The following THOC1 variants were observed in gnomAD, a reference collection of about 807,000 sequenced individuals.
The protein encoded by THOC1 is THO complex subunit 1.
THOC1 carries 29 observed loss-of-function variants against 97.3 expected under a neutral mutation model. The observed-to-expected ratio is 0.30, with a 90% CI of 0.22 to 0.41. The LOEUF is 0.41. Among genes scored for constraint, THOC1 ranks in the 10% least tolerant of loss-of-function variants. The pLI, the probability that THOC1 is intolerant of heterozygous loss-of-function variation, is 1.00. For synonymous variants in THOC1, 255 were observed against 257.0 expected (o/e 0.99, Z 0.07); for missense variants, 529 against 761.9 (o/e 0.69, Z 3.60).
rs764286658 is a variant in THOC1, at chr18:265,507, G to A, written c.78C>T (p.Asn26=). 6.9e-6 allele frequency: 11 copies of A among 1,592,768 alleles called. No homozygotes were observed. Among genetic ancestry groups the A allele is most frequent in the Non-Finnish European group, 8.6e-6 (10 of 1,169,568 alleles). Reference sequence around the variant, plus strand: ...TTAACAATGGCTTGATGTTTTTGTTGTTCAAGGCCTCTCTGGTAGACTTCT... The same window carrying A: ...TTAACAATGGCTTGATGTTTTTGTTATTCAAGGCCTCTCTGGTAGACTTCT... ...RFTKSTREAL[N]NKNIKPLLST... is the part of the protein sequence containing the mutation. The change falls in exon 2 of 21, where the codon AAC becomes AAT. Residue 26 remains asparagine, a synonymous_variant. Coordinates refer to ENST00000261600, the MANE Select transcript of THOC1 (RefSeq NM_005131.3).
intron 17 of THOC1, among the ~76,000 whole-genome samples, chr18:223,032 A>C (rs1311275168): frequency 1.3e-5 from 2 of 151,966 alleles, no homozygotes; most frequent in Non-Finnish European, 2.9e-5. Context: ...TGATTTCTTA[A>C]TCATTAATTA....
chr18:253,759 G>A (rs1048890626), intron 8 of THOC1, among the ~76,000 whole-genome samples: 9 of 152,034 alleles, frequency 5.9e-5, no homozygotes, highest in African/African-American at 2.2e-4. Context: ...ATCTACCATG[G>A]TCTACCTTGG....
intron 11 of THOC1, among the ~76,000 whole-genome samples, chr18:233,570 G>A (rs988627152): frequency 2.0e-5 from 3 of 152,216 alleles, no homozygotes; most frequent in Non-Finnish European, 4.4e-5. Flanking sequence ...GGCAACAAGA[G>A]TGAAACTCTG....
chr18:222,523 G>A (rs1172619854), intron 17 of THOC1, among the ~76,000 whole-genome samples: 1 of 152,138 alleles, frequency 6.6e-6, no homozygotes, highest in Non-Finnish European at 1.5e-5. Context: ...AAACGAGCAG[G>A]TTTAACAGCA....
chr18:235,933 GTAA>G (rs1315445269), intron 11 of THOC1, among the ~76,000 whole-genome samples: 1 of 152,156 alleles, frequency 6.6e-6, no homozygotes, highest in Non-Finnish European at 1.5e-5. Flanking sequence ...AATACATACT[GTAA>G]TTGTGGGCCA....
intron 9 of THOC1, among the ~76,000 whole-genome samples, chr18:251,881 ATC>A (rs1368278698): frequency 6.6e-6 from 1 of 152,320 alleles, no homozygotes; most frequent in Admixed American, 6.5e-5. Flanking sequence ...GTTTTTATTA[ATC>A]TTTCTCAAAT....
chr18:224,052 A>G, intron 16 of THOC1, 32 bp downstream of exon 16: 1 of 1,377,564 alleles, frequency 7.3e-7, no homozygotes. Flanking sequence ...AAAATAACTA[A>G]GAACATCCCA....
intron 11 of THOC1, among the ~76,000 whole-genome samples, chr18:233,667 A>G (rs1370319312): frequency 6.6e-6 from 1 of 152,162 alleles, no homozygotes; most frequent in African/African-American, 2.4e-5. Context: ...CCTTTTCTAC[A>G]ATTTGGACTT....
At position 215,616 on chromosome 18, in the gene THOC1, C is replaced by T; in HGVS notation, c.1603-112G>A. The T allele has an allele frequency of 5.1e-6, 4 of 785,430 alleles. No individual in the cohort carries two copies. The South Asian group carries it at 6.2e-5, about 12-fold the overall frequency. The allele number at this position is 785,430 out of a possible 1,614,324, so 48.7% of individuals were successfully genotyped here. On this transcript the variant is annotated intron_variant, in intron 19 of 20. Coordinates refer to ENST00000261600, the MANE Select transcript of THOC1 (RefSeq NM_005131.3). ...AGATTCCAAGTACAGGGTGCCAGAA[C>T]CTCACCCCTGAGAGCGTTAAATGAC... is the stretch of plus-strand genomic sequence containing the variant.
rs752029619 is a variant in THOC1, at chr18:214,611, GA to G, written c.*14del. 2,422 of 1,413,784 alleles carry G rather than the reference GA, an allele frequency of 1.7e-3. 10 individuals carry two copies. The highest frequency in any genetic ancestry group is 0.017 in the African/African-American group (1,159 of 68,356). The allele number at this position is 1,413,784 out of a possible 1,614,324, so 87.6% of individuals were successfully genotyped here. On this transcript the variant is annotated 3_prime_UTR_variant, in exon 21 of 21. Coordinates refer to ENST00000261600, the MANE Select transcript of THOC1 (RefSeq NM_005131.3). Reference sequence around the variant, plus strand: ...AAATCTATCACAGTTTTAATAAAAAGAAAAAAAAAAGAAGCTAACTATTTGT... The same window carrying G: ...AAATCTATCACAGTTTTAATAAAAAGAAAAAAAAAGAAGCTAACTATTTGT...
intron 1 of THOC1, among the ~76,000 whole-genome samples, chr18:267,718 C>A (rs1912824296): frequency 6.6e-6 from 1 of 152,204 alleles, no homozygotes; most frequent in African/African-American, 2.4e-5. Flanking sequence ...AAGCGGGGAG[C>A]CGAGGCGCCC....
At chr18:256,668 G>A (rs899079697) in intron 7 of THOC1, among the ~76,000 whole-genome samples, 1 of 152,000 alleles carries the variant, frequency 6.6e-6, no homozygotes, top group African/African-American at 2.4e-5. Flanking sequence ...GTGCGATCTC[G>A]GCTTATTTTT....
intron 12 of THOC1, chr18:226,068 T>C (rs1284331028): frequency 1.3e-5 from 2 of 152,300 alleles, no homozygotes; most frequent in Admixed American, 1.3e-4. Flanking sequence ...CCTACTATGC[T>C]ATACCAAACC....
chr18:237,085 C>G (rs1412179427), intron 11 of THOC1, among the ~76,000 whole-genome samples: 1 of 151,356 alleles, frequency 6.6e-6, no homozygotes, highest in Non-Finnish European at 1.5e-5. Context: ...ACAGTTTCTA[C>G]TGTATATAAG....
At chr18:239,335 C>T (rs1911816718) in intron 11 of THOC1, among the ~76,000 whole-genome samples, 1 of 152,262 alleles carries the variant, frequency 6.6e-6, no homozygotes, top group East Asian at 1.9e-4. Flanking sequence ...GACAGAGTCT[C>T]GCTCTGTTGC....
At chr18:233,874 T>A (rs1478052983) in intron 11 of THOC1, among the ~76,000 whole-genome samples, 2 of 152,210 alleles carry the variant, frequency 1.3e-5, no homozygotes, top group African/African-American at 4.8e-5. Context: ...ACCCATTTGG[T>A]CTTTATAATA....
chr18:241,322 T>C (rs997395155), intron 11 of THOC1, among the ~76,000 whole-genome samples: 7 of 152,182 alleles, frequency 4.6e-5, no homozygotes, highest in African/African-American at 1.4e-4. Context: ...CAAATGGACA[T>C]AAAAAGTACA....
chr18:235,652 C>A (rs1379604530), intron 11 of THOC1, among the ~76,000 whole-genome samples: 2 of 152,042 alleles, frequency 1.3e-5, no homozygotes, highest in African/African-American at 4.8e-5. Context: ...TTTAAGCTAT[C>A]CTTTTTGCAG....
At chr18:256,231 G>A (rs1054719800) in intron 7 of THOC1, among the ~76,000 whole-genome samples, 1 of 152,146 alleles carries the variant, frequency 6.6e-6, no homozygotes, top group Admixed American at 6.5e-5. Flanking sequence ...TCTGAGCAAA[G>A]TAAATGGAAC....
Sources: gnomAD v4.1 joint callset for allele counts (sites outside exome capture counted in the v4.1 genomes callset) on GRCh38, gnomAD v4.1.1 for gene constraint, MANE v1.5 for transcripts, NCBI Gene and HGNC (gene_info 2026-07-23, HGNC 2026-07-21) for gene names.